Variants in USP5 observed in about 807,000 individuals in gnomAD.
The protein encoded by USP5 is ubiquitin carboxyl-terminal hydrolase 5.
A neutral mutation model predicts 102.5 loss-of-function variants in USP5; 24 were observed. The observed-to-expected ratio is 0.23, with a 90% CI of 0.17 to 0.33. USP5 has a LOEUF of 0.33. Among genes scored for constraint, USP5 ranks in the 10% least tolerant of loss-of-function variants. The probability of loss-of-function intolerance (pLI) is 1.00; values close to 1 mark genes in which losing one functional copy is unlikely to be tolerated. For synonymous variants in USP5, 460 were observed against 434.8 expected, an observed-to-expected ratio of 1.06 and a Z score of -0.72; for missense variants, 753 against 1,122.1, an observed-to-expected ratio of 0.67 and a Z score of 4.70.
chr12:6,862,151 C>A (rs1944297562), intron 13 of USP5, among the ~76,000 whole-genome samples: 1 of 151,200 alleles, frequency 6.6e-6, no homozygotes, highest in South Asian at 2.1e-4. Context: ...TGCTATGTTG[C>A]CCAGGTTGGT....
rs782164008 is a variant in USP5 at position 6,862,548 on chromosome 12, C to G, written c.1752C>G (p.Pro584=). 5.6e-6 allele frequency: 9 copies of G among 1,613,876 alleles called. No homozygotes were observed. The highest frequency in any genetic ancestry group is 1.7e-5 in the Admixed American group (1 of 59,998). The change falls in exon 14 of 20, where the codon CCC becomes CCG. Residue 584 remains proline (P), a synonymous_variant. Transcript: ENST00000229268. ...KKFTFGLDWV[P]KKLDVSIEMP... ...TCACCTTCGGCTTAGACTGGGTGCCCAAGAAACTGGGTATGGCTGCTGGAA... is the reference window on the plus strand; with the variant it reads ...TCACCTTCGGCTTAGACTGGGTGCCGAAGAAACTGGGTATGGCTGCTGGAA...
At position 6,858,411 on chromosome 12, in the gene USP5, C is replaced by T; in HGVS notation, c.865-13C>T. On this transcript the variant is annotated splice_polypyrimidine_tract_variant and intron_variant, in intron 7 of 19. Coordinates refer to ENST00000229268, the MANE Select transcript of USP5 (RefSeq NM_001098536.2). This position sits in a 1 kb window ranked among gnomAD's most constrained non-coding sequence, Gnocchi z 4.2. ...AGTTTCTCACTCAGTCTGAAGTGCC[C>T]CTTCTCACACAGACAGACAAGACGA... is the stretch of plus-strand genomic sequence containing the variant. The T allele has an allele frequency of 5.7e-6, 9 of 1,591,660 alleles. No individual in the cohort carries two copies. Among genetic ancestry groups the T allele is most frequent in the Non-Finnish European group, 7.8e-6 (9 of 1,160,892 alleles).
At position 6,856,667 on chromosome 12, in the gene USP5, C is replaced by T; in HGVS notation, c.585-40C>T. The T allele has an allele frequency of 6.2e-7, 1 of 1,608,516 alleles. No homozygotes were observed. Among genetic ancestry groups the T allele is most frequent in the Non-Finnish European group, 8.5e-7 (1 of 1,177,530 alleles). On this transcript the variant is annotated intron_variant, in intron 5 of 19. Transcript: ENST00000229268. This position sits in a 1 kb window ranked among gnomAD's most constrained non-coding sequence, Gnocchi z 5.6. The stretch of plus-strand genomic sequence containing the variant: ...CTCTCTCTGCCACTCCCTCAAATCC[C>T]CGACCCACATTTCTGCTGATTCTCT...
chr12:6,860,887 G>A lies in USP5; in HGVS notation c.1345-66G>A. 6.3e-7 allele frequency: 1 copy of A among 1,595,856 alleles called. No homozygotes were observed. Among genetic ancestry groups the A allele is most frequent in the Admixed American group, 1.7e-5 (1 of 58,444 alleles). ...TGCCTTCTCTCCCTGACTCTCCCAT[G>A]AACCTTTCAGGCCCCATTCTGTTCC... is the stretch of plus-strand genomic sequence containing the variant. On this transcript the variant is annotated intron_variant, in intron 11 of 19. Transcript: ENST00000229268. This position sits in a 1 kb window ranked among gnomAD's most constrained non-coding sequence, Gnocchi z 5.5.
Position 6,855,396 on chromosome 12 carries a change from C to T in USP5, c.112-5C>T, listed in dbSNP as rs2138036219. 2 of 1,614,138 alleles carry T rather than the reference C, an allele frequency of 1.2e-6. No individual in the cohort carries two copies. The highest frequency in any genetic ancestry group is 1.7e-6 in the Non-Finnish European group (2 of 1,180,004). On this transcript the variant is annotated splice_polypyrimidine_tract_variant and splice_region_variant and intron_variant, in intron 1 of 19. Coordinates refer to ENST00000229268, the MANE Select transcript of USP5 (RefSeq NM_001098536.2). The surrounding 1 kb of genome is among the most constrained non-coding windows in gnomAD (Gnocchi z 4.6). ...GTGTTTTCACCCTTACCTCTTGTCC[C>T]ACAGGAGTCTGAGGGGGGCCTCTAC...
rs1330214850 is a variant in USP5, at chr12:6,855,619, G to A, written c.237+93G>A. 7 of 1,588,946 alleles carry A rather than the reference G, an allele frequency of 4.4e-6. No individual in the cohort carries two copies. In the Admixed American group the frequency reaches 1.1e-4, roughly 24 times the overall value. On this transcript the variant is annotated intron_variant, in intron 2 of 19. Transcript: ENST00000229268. This position sits in a 1 kb window ranked among gnomAD's most constrained non-coding sequence, Gnocchi z 4.6. ...GTTTCTTTTTTTCACCTACTTTTGT[G>A]TCATTAAAGCTTGGCACAGATGTTT...
Position 6,860,811 on chromosome 12 carries a change from T to C in USP5, c.1345-142T>C. Reference sequence around the variant, plus strand: ...CAGAAATGGGGAGGGGTTGGTGAATTAGGGAAGGTTTCTGCTCTGCTCTTG... The same window carrying C: ...CAGAAATGGGGAGGGGTTGGTGAATCAGGGAAGGTTTCTGCTCTGCTCTTG... On this transcript the variant is annotated intron_variant, in intron 11 of 19. Transcript: ENST00000229268. This position sits in a 1 kb window ranked among gnomAD's most constrained non-coding sequence, Gnocchi z 5.5. 6 of 1,271,528 alleles carry C rather than the reference T, an allele frequency of 4.7e-6. No homozygotes were observed. The highest frequency in any genetic ancestry group is 1.5e-5 in the African/African-American group (1 of 66,952). The allele number at this position is 1,271,528 out of a possible 1,614,324, so 78.8% of individuals were successfully genotyped here. A position where few individuals can be genotyped will look rare whatever the true frequency, so the allele number is the denominator to read the frequency against.
intron 9 of USP5, among the ~76,000 whole-genome samples, chr12:6,859,857 A>G (rs974536785): frequency 6.6e-6 from 1 of 152,002 alleles, no homozygotes; most frequent in Non-Finnish European, 1.5e-5. Flanking sequence ...GGGTTTCATC[A>G]TGTTGGCCAG....
At position 6,860,099 on chromosome 12, in the gene USP5, C is replaced by CA; in HGVS notation, c.1131-51dup. On this transcript the variant is annotated intron_variant, in intron 9 of 19. Coordinates refer to ENST00000229268, the MANE Select transcript of USP5 (RefSeq NM_001098536.2). This position sits in a 1 kb window ranked among gnomAD's most constrained non-coding sequence, Gnocchi z 5.5. ...CGAGCAGGGGGTTGAGCTGGGGACA[C>CA]ACAGGGTCGTTAGTTGACTGAAGTG... 6.3e-7 allele frequency: 1 copy of CA among 1,593,800 alleles called. No homozygotes were observed. The highest frequency in any genetic ancestry group is 2.2e-5 in the East Asian group (1 of 44,810).
Position 6,863,711 on chromosome 12 carries a change from A to G in USP5, c.1955-119A>G. ...ATTTTGGTTTTGGGATAAGGTGCCA[A>G]TCCATGGGAGAAAAATGCATGGAAT... On this transcript the variant is annotated intron_variant, in intron 15 of 19. Transcript: ENST00000229268. The surrounding 1 kb of genome is among the most constrained non-coding windows in gnomAD (Gnocchi z 4.7). The G allele has an allele frequency of 7.1e-7, 1 of 1,412,250 alleles. No individual in the cohort carries two copies. Among genetic ancestry groups the G allele is most frequent in the South Asian group, 1.4e-5 (1 of 69,148 alleles). The allele number at this position is 1,412,250 out of a possible 1,614,324, so 87.5% of individuals were successfully genotyped here. A position where few individuals can be genotyped will look rare whatever the true frequency, so the allele number is the denominator to read the frequency against.
At chr12:6,865,674 G>A (rs1944424366) in intron 19 of USP5, among the ~76,000 whole-genome samples, 1 of 152,222 alleles carries the variant, frequency 6.6e-6, no homozygotes, top group African/African-American at 2.4e-5. Context: ...TTGTGTCAGA[G>A]ACCAGAGAGA....
chr12:6,856,186 G>C lies in USP5; in HGVS notation c.438+36G>C, dbSNP rs781848501. The C allele has an allele frequency of 6.9e-5, 111 of 1,613,260 alleles. No homozygotes were observed. The highest frequency in any genetic ancestry group is 9.3e-5 in the Non-Finnish European group (110 of 1,179,514). On this transcript the variant is annotated intron_variant, in intron 4 of 19. Coordinates refer to ENST00000229268, the MANE Select transcript of USP5 (RefSeq NM_001098536.2). This position sits in a 1 kb window ranked among gnomAD's most constrained non-coding sequence, Gnocchi z 5.6. ...CCCCTATGCTACCCAAGATTCTAGA[G>C]CAAGATGGGCCAGGGTAGTGGTGTC... is the stretch of plus-strand genomic sequence containing the variant.
At position 6,864,243 on chromosome 12, in the gene USP5, G is replaced by T. The variant is rs781917894; in HGVS notation, c.2244+48G>T. 1 of 1,535,254 alleles carries T rather than the reference G, an allele frequency of 6.5e-7. No homozygotes were observed. The highest frequency in any genetic ancestry group is 8.8e-7 in the Non-Finnish European group (1 of 1,141,152). On this transcript the variant is annotated intron_variant, in intron 17 of 19. Coordinates refer to ENST00000229268, the MANE Select transcript of USP5 (RefSeq NM_001098536.2). This position sits in a 1 kb window ranked among gnomAD's most constrained non-coding sequence, Gnocchi z 4.8. ...ACATGGGGCCAGTGGGGAAGAAGGG[G>T]GTGGGAATGAGGGGCCATCCTTCTT...
rs1944283092 is a variant in USP5 at position 6,861,675 on chromosome 12, A to G, written c.1673+58A>G. On this transcript the variant is annotated intron_variant, in intron 13 of 19. Coordinates refer to ENST00000229268, the MANE Select transcript of USP5 (RefSeq NM_001098536.2). This position sits in a 1 kb window ranked among gnomAD's most constrained non-coding sequence, Gnocchi z 4.9. ...GTCTATGGCAGAGCTATCCCAGAGG[A>G]TACTTCTGTCTCTTCCCTGTTCTTT... 7.0e-7 allele frequency: 1 copy of G among 1,424,916 alleles called. No homozygotes were observed. The allele number at this position is 1,424,916 out of a possible 1,614,324, so 88.3% of individuals were successfully genotyped here.
chr12:6,861,152 G>T lies in USP5; in HGVS notation c.1498+46G>T, dbSNP rs782713876. The T allele has an allele frequency of 3.7e-6, 6 of 1,604,806 alleles. No individual in the cohort carries two copies. The highest frequency in any genetic ancestry group is 3.3e-5 in the South Asian group (3 of 90,900). Reference sequence around the variant, plus strand: ...GGCCGTGGCACGGTGGGAGGCTAAGGTCTAGGAGGAATGCTTGGGCACCTC... The same window carrying T: ...GGCCGTGGCACGGTGGGAGGCTAAGTTCTAGGAGGAATGCTTGGGCACCTC... On this transcript the variant is annotated intron_variant, in intron 12 of 19. Transcript: ENST00000229268. This position sits in a 1 kb window ranked among gnomAD's most constrained non-coding sequence, Gnocchi z 4.9.
chr12:6,859,434 C>A, intron 8 of USP5, 36 bp from the exon 9 acceptor site: 1 of 1,608,872 alleles, frequency 6.2e-7, no homozygotes, highest in Admixed American at 1.7e-5. Context: ...GCGCTCAGGC[C>A]AGAGCCCCTC....
chr12:6,861,202 C>T lies in USP5; in HGVS notation c.1498+96C>T. ...CATGGGAGCACAGCCCAGGGAATGC[C>T]CTGCTTCACCAGCCAAGGTTCCAGT... On this transcript the variant is annotated intron_variant, in intron 12 of 19. Transcript: ENST00000229268. The surrounding 1 kb of genome is among the most constrained non-coding windows in gnomAD (Gnocchi z 4.9). 4 of 1,543,860 alleles carry T rather than the reference C, an allele frequency of 2.6e-6. No homozygotes were observed. Among genetic ancestry groups the T allele is most frequent in the South Asian group, 1.2e-5 (1 of 83,630 alleles).
rs2138074321 is a variant in USP5, at chr12:6,864,959, C to T, written c.2398+84C>T. On this transcript the variant is annotated intron_variant, in intron 18 of 19. Transcript: ENST00000229268. This position sits in a 1 kb window ranked among gnomAD's most constrained non-coding sequence, Gnocchi z 4.8. ...GATCCCTCATTCAGGCAGCTCTGCC[C>T]TCCTCAGGAGTCAGGGGCTTCTTTC... 2 of 1,535,938 alleles carry T rather than the reference C, an allele frequency of 1.3e-6. No homozygotes were observed. Among genetic ancestry groups the T allele is most frequent in the Non-Finnish European group, 1.8e-6 (2 of 1,138,040 alleles).
Position 6,860,723 on chromosome 12 carries a change from T to C in USP5, c.1345-230T>C, listed in dbSNP as rs1433928341. 6.6e-6 allele frequency among the ~76,000 whole-genome samples: 1 copy of C among 152,194 alleles called. No homozygotes were observed. The highest frequency in any genetic ancestry group is 1.5e-5 in the Non-Finnish European group (1 of 68,040). ...CCCAAAGACAATGATAAGAGAATAC[T>C]TGCTGCTTATAAAGAAAAATACAAG... On this transcript the variant is annotated intron_variant, in intron 11 of 19. Coordinates refer to ENST00000229268, the MANE Select transcript of USP5 (RefSeq NM_001098536.2). This position sits in a 1 kb window ranked among gnomAD's most constrained non-coding sequence, Gnocchi z 5.5.
Sources: allele counts gnomAD v4.1 joint callset (sites outside exome capture counted in the v4.1 genomes callset), GRCh38; gene constraint gnomAD v4.1.1; non-coding constraint Gnocchi (gnomAD v3.1); transcripts MANE v1.5; gene names NCBI Gene and HGNC (gene_info 2026-07-23, HGNC 2026-07-21).